EPHA6: variants seen among roughly 807,000 people sequenced by gnomAD.
EPHA6 encodes the protein ephrin type-A receptor 6.
EPHA6 carries 50 observed loss-of-function variants against 112.0 expected under a neutral mutation model. The ratio of observed to expected loss-of-function variants is 0.45; its 90% CI spans 0.36 to 0.56. The LOEUF (loss-of-function observed/expected upper bound fraction) is 0.56, where lower values mean the gene tolerates loss of function less well. EPHA6 is among the 20% of genes least tolerant of loss of function. The pLI, the probability that EPHA6 is intolerant of heterozygous loss-of-function variation, is 0.00. For missense variants in EPHA6, 1,280 were observed against 1,417.4 expected (o/e 0.90, Z 1.56); for synonymous variants, 529 against 490.7 (o/e 1.08, Z -1.03).
At chr3:97,250,112 G>A (rs556231504) in intron 5 of EPHA6, among the ~76,000 whole-genome samples, 1 of 152,242 alleles carries the variant, frequency 6.6e-6, no homozygotes, top group East Asian at 1.9e-4. Flanking sequence ...ACTATTACAG[G>A]CAATGGATAT....
rs529620843 is a variant in EPHA6 at position 97,272,750 on chromosome 3, T to C, written c.1606+28463T>C. On this transcript the variant is annotated intron_variant, in intron 5 of 17. Coordinates refer to ENST00000389672, the MANE Select transcript of EPHA6 (RefSeq NM_001080448.3). The stretch of plus-strand genomic sequence containing the variant: ...ATCAGTTAAGGCAGGAACAGGCCAT[T>C]TTCACTTCTTTTGTGGTGGAATGTC... Among the ~76,000 whole-genome samples the C allele has an allele frequency of 2.2e-3, 337 of 152,126 alleles. 1 individual carries two copies. Among genetic ancestry groups the C allele is most frequent in the Non-Finnish European group, 3.1e-3 (208 of 67,996 alleles).
At chr3:97,405,690 T>C (rs1010418501) in intron 6 of EPHA6, among the ~76,000 whole-genome samples, 1 of 152,042 alleles carries the variant, frequency 6.6e-6, no homozygotes, top group African/African-American at 2.4e-5. Context: ...GTGTTTAGAG[T>C]TACAGTCGGC....
intron 11 of EPHA6, among the ~76,000 whole-genome samples, chr3:97,550,938 G>A (rs565424133): frequency 6.6e-6 from 1 of 151,690 alleles, no homozygotes; most frequent in South Asian, 2.1e-4. Context: ...AGGAAAGAAG[G>A]AACCTAATTT....
chr3:97,357,108 T>G (rs917326613), intron 5 of EPHA6, among the ~76,000 whole-genome samples: 1 of 152,218 alleles, frequency 6.6e-6, no homozygotes, highest in Non-Finnish European at 1.5e-5. Flanking sequence ...TGCTCTCTTT[T>G]GGGTAACAGT....
chr3:97,498,548 T>C (rs1408430806), intron 10 of EPHA6, among the ~76,000 whole-genome samples: 3 of 152,110 alleles, frequency 2.0e-5, no homozygotes, highest in South Asian at 2.1e-4. Flanking sequence ...AAAGTACAAT[T>C]AGTGTGAATG....
At chr3:97,470,424 A>G (rs564979777) in intron 7 of EPHA6, among the ~76,000 whole-genome samples, 1 of 151,870 alleles carries the variant, frequency 6.6e-6, no homozygotes, top group Non-Finnish European at 1.5e-5. Flanking sequence ...AAATATGTTC[A>G]TAACAGAAAA....
At chr3:97,144,947 T>A (rs2076002261) in intron 3 of EPHA6, among the ~76,000 whole-genome samples, 1 of 151,568 alleles carries the variant, frequency 6.6e-6, no homozygotes, top group Non-Finnish European at 1.5e-5. Flanking sequence ...TGCCTTTTTC[T>A]TATGTGAAAT....
chr3:97,553,312 C>T (rs920563321), intron 11 of EPHA6, among the ~76,000 whole-genome samples: 7 of 151,988 alleles, frequency 4.6e-5, no homozygotes, highest in African/African-American at 1.2e-4. Flanking sequence ...TGTTGATTGC[C>T]CTGACCTTCC....
chr3:97,341,083 A>G (rs1038598011), intron 5 of EPHA6, among the ~76,000 whole-genome samples: 41 of 152,330 alleles, frequency 2.7e-4, no homozygotes, highest in South Asian at 6.2e-4. Flanking sequence ...TTTCCTGGCC[A>G]GAGGCCGAGT....
intron 6 of EPHA6, 31 bp downstream of exon 6, chr3:97,405,305 T>C (rs745989566): frequency 6.4e-7 from 1 of 1,567,104 alleles, no homozygotes; most frequent in Admixed American, 1.7e-5. Flanking sequence ...CCTATAAAAC[T>C]ACATATATAT....
intron 5 of EPHA6, among the ~76,000 whole-genome samples, chr3:97,258,275 T>C (rs572308477): frequency 4.6e-5 from 7 of 150,718 alleles, no homozygotes; most frequent in East Asian, 1.9e-4. Flanking sequence ...CACACACACA[T>C]ACATAACATA....
rs2036071946 is a variant in EPHA6 at position 97,758,224 on chromosome 3, AATAAT to A, written c.*9524_*9528del. Among the ~76,000 whole-genome samples the A allele has an allele frequency of 6.6e-6, 1 of 151,928 alleles. No homozygotes were observed. Among genetic ancestry groups the A allele is most frequent in the Admixed American group, 6.6e-5 (1 of 15,242 alleles). The stretch of plus-strand genomic sequence containing the variant: ...TTTCCAAAAACCTTTGAGAAAACAA[AATAAT>A]CGTTTTCCCTACCTTACAACCTTGA... On this transcript the variant is annotated 3_prime_UTR_variant, in exon 18 of 18. Coordinates refer to ENST00000389672, the MANE Select transcript of EPHA6 (RefSeq NM_001080448.3).
At chr3:97,207,691 T>C (rs1393751536) in intron 3 of EPHA6, among the ~76,000 whole-genome samples, 1 of 152,206 alleles carries the variant, frequency 6.6e-6, no homozygotes, top group Non-Finnish European at 1.5e-5. Context: ...AAAAATGATT[T>C]ACACAAAATT....
intron 2 of EPHA6, among the ~76,000 whole-genome samples, chr3:96,946,375 C>A (rs1203365247): frequency 6.8e-6 from 1 of 146,482 alleles, no homozygotes; most frequent in African/African-American, 2.5e-5. Flanking sequence ...CTTCCTGTGT[C>A]CAAGTGTTCT....
At chr3:97,629,103 A>G (rs772759728) in intron 13 of EPHA6, among the ~76,000 whole-genome samples, 93 of 151,654 alleles carry the variant, frequency 6.1e-4, no homozygotes, top group Non-Finnish European at 1.2e-3. Context: ...CTAATTTTTT[A>G]TTTTTGTAGA....
At chr3:97,446,144 G>C (rs1159178627) in intron 6 of EPHA6, among the ~76,000 whole-genome samples, 1 of 152,114 alleles carries the variant, frequency 6.6e-6, no homozygotes, top group Non-Finnish European at 1.5e-5. Context: ...AAGCTAACTT[G>C]GTTTCCCAAG....
At chr3:97,481,218 T>A in intron 9 of EPHA6, 2 of 1,283,806 alleles carry the variant, frequency 1.6e-6, no homozygotes, top group Non-Finnish European at 2.3e-6. Context: ...ACAACCTTTT[T>A]CTCCATTACT....
Position 97,288,623 on chromosome 3 carries a change from A to G in EPHA6, c.1606+44336A>G, listed in dbSNP as rs1441881556. Among the ~76,000 whole-genome samples the G allele has an allele frequency of 5.9e-5, 9 of 152,240 alleles. No homozygotes were observed. In the East Asian group the frequency reaches 1.7e-3, roughly 29 times the overall value. ...TAATGAGATTGCTGGGTCAGATGGT[A>G]GTTCTAAGTTCTTCAAGAAATCTCC... On this transcript the variant is annotated intron_variant, in intron 5 of 17. Transcript: ENST00000389672.
At chr3:96,853,057 C>T (rs2035489371) in intron 1 of EPHA6, among the ~76,000 whole-genome samples, 5 of 152,112 alleles carry the variant, frequency 3.3e-5, no homozygotes, top group Admixed American at 3.3e-4. Flanking sequence ...GAGGACTCTT[C>T]AGCCAGCAGT....
Sources: gnomAD v4.1 joint callset for allele counts (sites outside exome capture counted in the v4.1 genomes callset) on GRCh38, gnomAD v4.1.1 for gene constraint, MANE v1.5 for transcripts, NCBI Gene and HGNC (gene_info 2026-07-23, HGNC 2026-07-21) for gene names.